The following NLGN3 variants were observed in gnomAD, a reference collection of about 807,000 sequenced individuals.
NLGN3 encodes neuroligin-3.
Under a neutral mutation model 42.9 loss-of-function variants are expected in NLGN3, and 11 were observed. The observed-to-expected ratio is 0.26, with a 90% CI of 0.16 to 0.42. The LOEUF is 0.42. Among genes scored for constraint, NLGN3 ranks in the 10% least tolerant of loss-of-function variants. The probability of loss-of-function intolerance (pLI) is 1.00; values close to 1 mark genes in which losing one functional copy is unlikely to be tolerated. For synonymous variants in NLGN3, 279 were observed against 312.7 expected, an observed-to-expected ratio of 0.89 and a Z score of 1.14; for missense variants, 374 against 733.8, an observed-to-expected ratio of 0.51 and a Z score of 5.67.
Position 71,147,845 on chromosome X carries a change from G to A in NLGN3, c.96G>A (p.Ala32=), listed in dbSNP as rs774680366. Reference sequence around the variant, plus strand: ...TCACCCTGTGGTTCCTCAGTTTGGCGCTGAGGGCCAGTACCCAGGCCCCAG... The same window carrying A: ...TCACCCTGTGGTTCCTCAGTTTGGCACTGAGGGCCAGTACCCAGGCCCCAG... ...LCLTLWFLSL[A]LRASTQAPAP... The change falls in exon 2 of 8, where the codon GCG becomes GCA. Residue 32 remains alanine (A), a synonymous_variant. Coordinates refer to ENST00000358741, the MANE Select transcript of NLGN3 (RefSeq NM_181303.2). 2.7e-5 allele frequency: 33 copies of A among 1,208,332 alleles called. No individual in the cohort carries two copies. The highest frequency in any genetic ancestry group is 3.2e-5 in the Non-Finnish European group (29 of 893,590).
At position 71,171,018 on chromosome X, in the gene NLGN3, T is replaced by C; in HGVS notation, c.*921T>C. On this transcript the variant is annotated 3_prime_UTR_variant, in exon 8 of 8. Coordinates refer to ENST00000358741, the MANE Select transcript of NLGN3 (RefSeq NM_181303.2). Reference sequence around the variant, plus strand: ...TATCAGAAATTCGCCCCATTTTCTTTACAGTCTTTTGTGTCTGTCATTTCT... The same window carrying C: ...TATCAGAAATTCGCCCCATTTTCTTCACAGTCTTTTGTGTCTGTCATTTCT... 1.3e-6 allele frequency: 1 copy of C among 754,349 alleles called. No individual in the cohort carries two copies. The highest frequency in any genetic ancestry group is 1.6e-6 in the Non-Finnish European group (1 of 639,198). The allele number at this position is 754,349 out of a possible 1,213,427, so 62.2% of individuals were successfully genotyped here. A position where few individuals can be genotyped will look rare whatever the true frequency, so the allele number is the denominator to read the frequency against.
intron 1 of NLGN3, among the ~76,000 whole-genome samples, chrX:71,147,264 A>C (rs1457383816): frequency 9.0e-6 from 1 of 111,299 alleles, no homozygotes; most frequent in Non-Finnish European, 1.9e-5. Context: ...GCTCCAGCCG[A>C]CCCTGATGAA....
chrX:71,155,183 C>T (rs374665468), intron 4 of NLGN3, 31 bp from the exon 5 acceptor site: 5 of 1,209,238 alleles, frequency 4.1e-6, no homozygotes, highest in East Asian at 3.0e-5. Context: ...GGCATCCCAC[C>T]CAGCCTGTGT....
chrX:71,170,593 A>C lies in NLGN3; in HGVS notation c.*496A>C. ...TTGATTTTTCTTTTTTAATTTTGGA[A>C]CAAATGCTTTTCCAACCCATGAGTG... On this transcript the variant is annotated 3_prime_UTR_variant, in exon 8 of 8. Coordinates refer to ENST00000358741, the MANE Select transcript of NLGN3 (RefSeq NM_181303.2). 1 of 791,448 alleles carries C rather than the reference A, an allele frequency of 1.3e-6. No homozygotes were observed. The highest frequency in any genetic ancestry group is 1.5e-6 in the Non-Finnish European group (1 of 662,416). 65.2% of individuals were successfully genotyped at this position (791,448 alleles called of 1,213,427 possible).
At chrX:71,153,754 C>T (rs2092398836) in intron 4 of NLGN3, among the ~76,000 whole-genome samples, 1 of 112,055 alleles carries the variant, frequency 8.9e-6, no homozygotes, top group Non-Finnish European at 1.9e-5. Context: ...ACAAGCAGAG[C>T]CATGGGGAGG....
chrX:71,146,983 C>T (rs1012884035), intron 1 of NLGN3, among the ~76,000 whole-genome samples: 2 of 111,112 alleles, frequency 1.8e-5, no homozygotes. Flanking sequence ...CAGGAGGGTC[C>T]GAGGAGGACT....
intron 2 of NLGN3, 64 bp downstream of exon 2, chrX:71,148,270 T>G (rs1318278653): frequency 9.9e-6 from 9 of 909,301 alleles, no homozygotes; most frequent in Non-Finnish European, 1.4e-5. Context: ...TGTTTGTGGC[T>G]TGCATGTGGT....
chrX:71,170,202 T>C lies in NLGN3; in HGVS notation c.*105T>C, dbSNP rs961165843. Reference sequence around the variant, plus strand: ...ACGCAGACACACACACACACACACATATATGTATACGCACGCACCCACACC... The same window carrying C: ...ACGCAGACACACACACACACACACACATATGTATACGCACGCACCCACACC... On this transcript the variant is annotated 3_prime_UTR_variant, in exon 8 of 8. Transcript: ENST00000358741. 1.1e-5 allele frequency: 13 copies of C among 1,168,667 alleles called. No homozygotes were observed. Among genetic ancestry groups the C allele is most frequent in the Admixed American group, 7.3e-5 (3 of 41,274 alleles).
chrX:71,170,493 C>G lies in NLGN3; in HGVS notation c.*396C>G. 1.2e-6 allele frequency: 1 copy of G among 868,969 alleles called. No homozygotes were observed. The highest frequency in any genetic ancestry group is 1.4e-6 in the Non-Finnish European group (1 of 710,754). The allele number at this position is 868,969 out of a possible 1,213,427, so 71.6% of individuals were successfully genotyped here. A position where few individuals can be genotyped will look rare whatever the true frequency, so the allele number is the denominator to read the frequency against. Reference sequence around the variant, plus strand: ...CTTGGAACTGCACCACCGACCAACTCCAGACTTGGGAGCTTTAAAGAGCAG... The same window carrying G: ...CTTGGAACTGCACCACCGACCAACTGCAGACTTGGGAGCTTTAAAGAGCAG... On this transcript the variant is annotated 3_prime_UTR_variant, in exon 8 of 8. Coordinates refer to ENST00000358741, the MANE Select transcript of NLGN3 (RefSeq NM_181303.2).
At chrX:71,156,551 G>C (rs759537509) in intron 5 of NLGN3, among the ~76,000 whole-genome samples, 1 of 109,396 alleles carries the variant, frequency 9.1e-6, no homozygotes, top group East Asian at 2.9e-4. Flanking sequence ...TATACAGCCT[G>C]TATATGTACA....
intron 5 of NLGN3, among the ~76,000 whole-genome samples, chrX:71,160,378 G>A (rs1479988711): frequency 9.2e-6 from 1 of 108,558 alleles, no homozygotes; most frequent in East Asian, 2.9e-4. Flanking sequence ...CACCACACCC[G>A]GCATATTTTT....
intron 3 of NLGN3, among the ~76,000 whole-genome samples, chrX:71,153,244 G>A (rs925173728): frequency 2.7e-5 from 3 of 112,612 alleles, no homozygotes; most frequent in African/African-American, 6.4e-5. Flanking sequence ...AAGGAGGCGG[G>A]GCAAGGCGGT....
intron 5 of NLGN3, among the ~76,000 whole-genome samples, chrX:71,160,509 G>A (rs1184557252): frequency 2.7e-5 from 3 of 112,097 alleles, no homozygotes; most frequent in Non-Finnish European, 3.8e-5. Flanking sequence ...GAGCCATCAC[G>A]CCCAGCCTCT....
At chrX:71,152,710 TA>T (rs1412532669) in intron 3 of NLGN3, among the ~76,000 whole-genome samples, 3 of 111,703 alleles carry the variant, frequency 2.7e-5, no homozygotes, top group African/African-American at 9.8e-5. Flanking sequence ...GTTTCTCTTC[TA>T]TTTTTTTTCT....
At chrX:71,145,339 C>T (rs1186530650) in intron 1 of NLGN3, among the ~76,000 whole-genome samples, 4 of 92,295 alleles carry the variant, frequency 4.3e-5, no homozygotes, top group African/African-American at 1.2e-4. Flanking sequence ...GCCAGGCTCC[C>T]TCCCCCACTA....
chrX:71,168,312 A>G (rs1192669505), intron 7 of NLGN3, among the ~76,000 whole-genome samples: 2 of 111,454 alleles, frequency 1.8e-5, no homozygotes, highest in African/African-American at 3.3e-5. Flanking sequence ...ACTGTACTCT[A>G]GCCTGGGTGA....
intron 6 of NLGN3, 72 bp downstream of exon 6, chrX:71,164,400 A>G: frequency 9.8e-7 from 1 of 1,022,044 alleles, no homozygotes; most frequent in East Asian, 3.1e-5. Context: ...TCCATGCCCC[A>G]GGGCATCCAA....
At chrX:71,152,601 G>T (rs761266807) in intron 3 of NLGN3, among the ~76,000 whole-genome samples, 20 of 112,061 alleles carry the variant, frequency 1.8e-4, no homozygotes, top group Admixed American at 4.7e-4. Flanking sequence ...CTATCTCACT[G>T]GGGTGTAAGG....
intron 5 of NLGN3, among the ~76,000 whole-genome samples, chrX:71,156,528 G>A (rs765930775): frequency 7.3e-5 from 8 of 108,872 alleles, no homozygotes; most frequent in South Asian, 7.9e-4. Flanking sequence ...GTATACATGC[G>A]CACACTCTTC....
Sources: gnomAD v4.1 joint callset for allele counts (sites outside exome capture counted in the v4.1 genomes callset) on GRCh38, gnomAD v4.1.1 for gene constraint, MANE v1.5 for transcripts, NCBI Gene and HGNC (gene_info 2026-07-23, HGNC 2026-07-21) for gene names.